SLC27A2: variants seen among roughly 807,000 people sequenced by gnomAD.
The protein encoded by SLC27A2 is long-chain fatty acid transport protein 2.
In SLC27A2, 54 loss-of-function variants were observed where a neutral mutation model predicts 60.0. That is an observed-to-expected ratio of 0.90 (90% CI 0.72 to 1.13). The LOEUF is 1.13. Ranked by LOEUF, SLC27A2 falls within the 50% of genes most tolerant of loss-of-function variation. The pLI, the probability that SLC27A2 is intolerant of heterozygous loss-of-function variation, is 0.00. For missense variants in SLC27A2, 739 were observed against 777.6 expected (o/e 0.95, Z 0.59); for synonymous variants, 297 against 297.6 (o/e 1.00, Z 0.02).
intron 4 of SLC27A2, among the ~76,000 whole-genome samples, chr15:50,210,603 C>T (rs1419012195): frequency 6.6e-6 from 1 of 152,180 alleles, no homozygotes; most frequent in Non-Finnish European, 1.5e-5. Context: ...TCTAGCTAAA[C>T]TTTGGGATAA....
intron 4 of SLC27A2, among the ~76,000 whole-genome samples, chr15:50,208,576 T>G (rs2045131334): frequency 6.6e-6 from 1 of 152,216 alleles, no homozygotes; most frequent in Non-Finnish European, 1.5e-5. Flanking sequence ...TCACTTTCCA[T>G]GCCTAACAGT....
chr15:50,232,426 AGTTTT>A (rs1340986430), intron 8 of SLC27A2, among the ~76,000 whole-genome samples: 1 of 152,202 alleles, frequency 6.6e-6, no homozygotes, highest in Non-Finnish European at 1.5e-5. Flanking sequence ...AATTTATTTT[AGTTTT>A]AATAGCCACA....
Position 50,205,335 on chromosome 15 carries a change from T to A in SLC27A2, c.944T>A (p.Leu315Gln). 6.2e-7 allele frequency: 1 copy of A among 1,608,358 alleles called. No individual in the cohort carries two copies. The highest frequency in any genetic ancestry group is 8.5e-7 in the Non-Finnish European group (1 of 1,176,334). Residue 315 changes from leucine to glutamine, a missense_variant, in exon 4 of 10, where the codon CTG becomes CAG. Leu to Gln is a moderately radical substitution (Grantham distance 113). Coordinates refer to ENST00000267842, the MANE Select transcript of SLC27A2 (RefSeq NM_003645.4). ...ACTGTCATTCAGTATATCGGTGAAC[T>A]GCTTCGGTATTTATGCAACTCACCA... ...NVTVIQYIGE[L>Q]LRYLCNSPQK...
intron 1 of SLC27A2, among the ~76,000 whole-genome samples, chr15:50,192,550 AAAT>A (rs932169232): frequency 6.6e-6 from 1 of 151,410 alleles, no homozygotes; most frequent in African/African-American, 2.4e-5. Flanking sequence ...CTTTTTTTTT[AAAT>A]TTTTTTTTTG....
chr15:50,197,262 C>T (rs939300135), intron 1 of SLC27A2, among the ~76,000 whole-genome samples: 16 of 152,080 alleles, frequency 1.1e-4, no homozygotes, highest in African/African-American at 3.1e-4. Flanking sequence ...CTTTGGGAGG[C>T]CAAAATGGGA....
chr15:50,218,864 G>A (rs989250026), intron 4 of SLC27A2, among the ~76,000 whole-genome samples: 5 of 152,166 alleles, frequency 3.3e-5, no homozygotes, highest in African/African-American at 9.7e-5. Context: ...GTCCAGACTG[G>A]AGCAGAGGAG....
chr15:50,201,104 A>G (rs909578002), intron 2 of SLC27A2, among the ~76,000 whole-genome samples: 3 of 151,994 alleles, frequency 2.0e-5, no homozygotes, highest in Non-Finnish European at 4.4e-5. Context: ...CGATCATCCC[A>G]CCCAAGTAGC....
At chr15:50,229,123 T>C in intron 8 of SLC27A2, 81 bp downstream of exon 8, 2 of 859,278 alleles carry the variant, frequency 2.3e-6, no homozygotes, top group East Asian at 2.6e-5. Flanking sequence ...TTGTCATTGC[T>C]TTCTCCCGCC....
rs769859458 is a variant in SLC27A2, at chr15:50,235,963, C to T, written c.1730C>T (p.Thr577Ile). The change falls in exon 10 of 10, where the codon ACC (threonine) becomes ATC (isoleucine). Residue 577 changes from threonine to isoleucine, a missense_variant. Physicochemically the swap from Thr to Ile is moderately conservative, Grantham distance 89. Transcript: ENST00000267842. ...GGAACTTTTAAACACCGCAAAATGA[C>T]CCTGGTGGAGGAGGGCTTTAACCCT... ...ITGTFKHRKMTLVEEGFNPAV... is the reference protein window; with the variant it reads ...ITGTFKHRKMILVEEGFNPAV... The T allele has an allele frequency of 1.2e-6, 2 of 1,613,788 alleles. No individual in the cohort carries two copies. The highest frequency in any genetic ancestry group is 1.6e-4 in the Middle Eastern group (1 of 6,062).
intron 1 of SLC27A2, 61 bp from the exon 2 acceptor site, chr15:50,197,439 C>T (rs1595682538): frequency 2.4e-6 from 3 of 1,252,248 alleles, no homozygotes; most frequent in African/African-American, 3.0e-5. Flanking sequence ...CTTGTTGAAG[C>T]ACTAATAGAA....
At chr15:50,206,946 AT>A (rs1240794283) in intron 4 of SLC27A2, among the ~76,000 whole-genome samples, 1 of 152,120 alleles carries the variant, frequency 6.6e-6, no homozygotes, top group African/African-American at 2.4e-5. Context: ...GGGTTAGGGT[AT>A]TTTCCACAGC....
intron 4 of SLC27A2, among the ~76,000 whole-genome samples, chr15:50,209,186 C>A (rs1315355493): frequency 6.6e-6 from 1 of 152,184 alleles, no homozygotes; most frequent in Non-Finnish European, 1.5e-5. Flanking sequence ...ATTCAACTTA[C>A]CTCTAGTGTT....
At position 50,236,029 on chromosome 15, in the gene SLC27A2, C is replaced by T; in HGVS notation, c.1796C>T (p.Ala599Val). Reference protein sequence around the residue: ...KDALYFLDDTAKMYVPMTEDI... With the variant: ...KDALYFLDDTVKMYVPMTEDI... ...GCCTTGTATTTCTTGGATGACACAGCAAAAATGTATGTGCCTATGACTGAG... is the reference window on the plus strand; with the variant it reads ...GCCTTGTATTTCTTGGATGACACAGTAAAAATGTATGTGCCTATGACTGAG... The change falls in exon 10 of 10, where the codon GCA (alanine) becomes GTA (valine). Residue 599 changes from alanine (A) to valine (V), a missense_variant. Coordinates refer to ENST00000267842, the MANE Select transcript of SLC27A2 (RefSeq NM_003645.4). The T allele has an allele frequency of 6.2e-7, 1 of 1,613,938 alleles. No homozygotes were observed. Among genetic ancestry groups the T allele is most frequent in the East Asian group, 2.2e-5 (1 of 44,868 alleles).
In SLC27A2 at chr15:50,202,665, T is replaced by C. The variant is rs772809059; in HGVS notation, c.847+20T>C. On this transcript the variant is annotated intron_variant, in intron 3 of 9. Transcript: ENST00000267842. ...TGGCTGGTAAGCTTTTTCTACAAAA[T>C]GTTGGAGGCGAGTGCACATTTACAT... is the stretch of plus-strand genomic sequence containing the variant. 1 of 1,609,112 alleles carries C rather than the reference T, an allele frequency of 6.2e-7. No homozygotes were observed. The highest frequency in any genetic ancestry group is 1.7e-5 in the Admixed American group (1 of 59,924).
At chr15:50,194,904 G>A (rs1407640176) in intron 1 of SLC27A2, among the ~76,000 whole-genome samples, 1 of 152,154 alleles carries the variant, frequency 6.6e-6, no homozygotes, top group Admixed American at 6.5e-5. Context: ...GCTCCGTGGT[G>A]AATATTTTCA....
intron 1 of SLC27A2, among the ~76,000 whole-genome samples, chr15:50,183,348 G>A (rs1294204042): frequency 6.6e-6 from 1 of 152,110 alleles, no homozygotes; most frequent in African/African-American, 2.4e-5. Flanking sequence ...TGCTTGACTG[G>A]CTGTGTGATC....
chr15:50,207,295 G>A (rs1195188595), intron 4 of SLC27A2, among the ~76,000 whole-genome samples: 1 of 152,106 alleles, frequency 6.6e-6, no homozygotes, highest in African/African-American at 2.4e-5. Context: ...CTCAAATACT[G>A]GAAAACAAAG....
intron 1 of SLC27A2, among the ~76,000 whole-genome samples, chr15:50,194,982 G>T (rs895330339): frequency 6.6e-6 from 1 of 152,126 alleles, no homozygotes. Context: ...AAGCTGGGAA[G>T]ACAGAATAAT....
At chr15:50,226,614 C>T (rs894537627) in intron 6 of SLC27A2, among the ~76,000 whole-genome samples, 15 of 152,122 alleles carry the variant, frequency 9.9e-5, no homozygotes, top group African/African-American at 3.4e-4. Context: ...CACCTGTAAC[C>T]CCAGCTACTT....
Sources: allele counts gnomAD v4.1 joint callset (sites outside exome capture counted in the v4.1 genomes callset), GRCh38; gene constraint gnomAD v4.1.1; transcripts MANE v1.5; gene names NCBI Gene and HGNC (gene_info 2026-07-23, HGNC 2026-07-21).